ACKR3: variants seen among roughly 807,000 people sequenced by gnomAD.
ACKR3 encodes atypical chemokine receptor 3, also known as C-X-C chemokine receptor type 7.
Under a neutral mutation model 22.4 loss-of-function variants are expected in ACKR3, and 6 were observed. The ratio of observed to expected loss-of-function variants is 0.27; its 90% CI spans 0.15 to 0.53. ACKR3 has a LOEUF of 0.53. Among genes scored for constraint, ACKR3 ranks in the 20% least tolerant of loss-of-function variants. The pLI, the probability that ACKR3 is intolerant of heterozygous loss-of-function variation, is 0.96. For missense variants in ACKR3, 396 were observed against 475.2 expected, an observed-to-expected ratio of 0.83 and a Z score of 1.55; for synonymous variants, 209 against 205.2, an observed-to-expected ratio of 1.02 and a Z score of -0.16.
chr2:236,567,790 G>A (rs1574970931), upstream of ACKR3: 1 of 152,488 alleles, frequency 6.6e-6, no homozygotes, highest in South Asian at 2.1e-4. Context: ...CGAGGGCGGT[G>A]ACCCCGGGGC....
intron 1 of ACKR3, among the ~76,000 whole-genome samples, chr2:236,575,776 A>G (rs1479960193): frequency 2.6e-5 from 4 of 152,116 alleles, no homozygotes; most frequent in Admixed American, 1.3e-4. Context: ...TCACAGCTGT[A>G]TTATATTCCA....
chr2:236,557,886 T>C, the ACKR3 span, among the ~76,000 whole-genome samples: 1 of 152,116 alleles, frequency 6.6e-6, no homozygotes, highest in Admixed American at 6.5e-5. Context: ...CTGAATCTTA[T>C]CTTAAGGAAC....
At chr2:236,541,655 G>A in the ACKR3 span, among the ~76,000 whole-genome samples, 1 of 152,112 alleles carries the variant, frequency 6.6e-6, no homozygotes, top group Non-Finnish European at 1.5e-5. Context: ...TGTATAGTGG[G>A]TATAAAAATG....
the ACKR3 span, among the ~76,000 whole-genome samples, chr2:236,550,158 G>GC: frequency 2.0e-5 from 3 of 152,224 alleles, no homozygotes; most frequent in Non-Finnish European, 4.4e-5. The surrounding 1 kb of genome is among the most constrained non-coding windows in gnomAD (Gnocchi z 4.6). Flanking sequence ...CTAAGGCCAT[G>GC]CGAGGGGCTG....
At chr2:236,557,896 C>T in the ACKR3 span, among the ~76,000 whole-genome samples, 3 of 152,084 alleles carry the variant, frequency 2.0e-5, no homozygotes, top group Admixed American at 1.3e-4. Flanking sequence ...TCTTAAGGAA[C>T]GATCAGACAC....
the ACKR3 span, among the ~76,000 whole-genome samples, chr2:236,546,689 T>A: frequency 6.6e-6 from 1 of 152,144 alleles, no homozygotes; most frequent in Admixed American, 6.5e-5. The surrounding 1 kb of genome is among the most constrained non-coding windows in gnomAD (Gnocchi z 4.9). Flanking sequence ...GGCAAACAGA[T>A]GTGGGCAGTG....
At chr2:236,547,510 AT>A in the ACKR3 span, among the ~76,000 whole-genome samples, 8,741 of 152,108 alleles carry the variant, frequency 0.057, 759 homozygotes, top group African/African-American at 0.19. Context: ...ATATCAGACC[AT>A]TTTTTTCCTG....
intron 1 of ACKR3, among the ~76,000 whole-genome samples, chr2:236,571,866 CAT>C (rs1691318451): frequency 6.6e-6 from 1 of 151,864 alleles, no homozygotes; most frequent in Non-Finnish European, 1.5e-5. Context: ...TTTTGTAGAA[CAT>C]GAGGGGAATC....
the ACKR3 span, among the ~76,000 whole-genome samples, chr2:236,561,298 T>TA: frequency 2.0e-5 from 3 of 152,120 alleles, no homozygotes; most frequent in Non-Finnish European, 2.9e-5. Context: ...CACATTAAAA[T>TA]AAAATCTAAA....
the ACKR3 span, among the ~76,000 whole-genome samples, chr2:236,538,366 T>C: frequency 6.6e-6 from 1 of 152,202 alleles, no homozygotes; most frequent in Non-Finnish European, 1.5e-5. Flanking sequence ...CTTGAAATAC[T>C]AAAAACGTGG....
chr2:236,575,799 A>C (rs1312974123), intron 1 of ACKR3, among the ~76,000 whole-genome samples: 1 of 152,206 alleles, frequency 6.6e-6, no homozygotes, highest in Non-Finnish European at 1.5e-5. Context: ...TGGCGGAGAC[A>C]CCAGGCTTTA....
In ACKR3 at chr2:236,577,293, C is replaced by T. The variant is rs553683546; in HGVS notation, c.-26-3147C>T. On this transcript the variant is annotated intron_variant, in intron 1 of 1. Coordinates refer to ENST00000272928, the MANE Select transcript of ACKR3 (RefSeq NM_020311.3). The surrounding 1 kb of genome is among the most constrained non-coding windows in gnomAD (Gnocchi z 5.6). ...GGGAGGGGAGAAGCAAGGACAGAGGCGAGGACGGCTGAGCGGGGAAGTGCC... is the reference window on the plus strand; with the variant it reads ...GGGAGGGGAGAAGCAAGGACAGAGGTGAGGACGGCTGAGCGGGGAAGTGCC... Among the ~76,000 whole-genome samples, 7 of 152,270 alleles carry T rather than the reference C, an allele frequency of 4.6e-5. No individual in the cohort carries two copies. In the South Asian group the frequency reaches 6.2e-4, roughly 14 times the overall value.
At chr2:236,542,638 T>C in the ACKR3 span, among the ~76,000 whole-genome samples, 1 of 152,172 alleles carries the variant, frequency 6.6e-6, no homozygotes, top group African/African-American at 2.4e-5. Flanking sequence ...TCCCCATCTG[T>C]GTCTGCCTTT....
At chr2:236,556,988 A>G in the ACKR3 span, among the ~76,000 whole-genome samples, 2 of 152,168 alleles carry the variant, frequency 1.3e-5, no homozygotes, top group African/African-American at 4.8e-5. Flanking sequence ...GCACCCGGCC[A>G]TTTGTCTTGT....
chr2:236,573,254 G>A (rs1691345138), intron 1 of ACKR3, among the ~76,000 whole-genome samples: 1 of 152,188 alleles, frequency 6.6e-6, no homozygotes, highest in Non-Finnish European at 1.5e-5. Context: ...AGGTAGTGTG[G>A]ATTCTCCTGA....
At chr2:236,569,539 C>T (rs1691263014), upstream of ACKR3, 1 of 152,234 alleles carries the variant, frequency 6.6e-6, no homozygotes, top group Non-Finnish European at 1.5e-5. Context: ...ACTAGGGTTT[C>T]TTTGCAGTTT....
chr2:236,562,863 C>T (rs573989050), upstream of ACKR3, among the ~76,000 whole-genome samples: 26 of 152,120 alleles, frequency 1.7e-4, no homozygotes, highest in Non-Finnish European at 2.9e-4. Context: ...TGGTCTGCAA[C>T]GGAAATTTAA....
chr2:236,578,017 A>G (rs1455455019), intron 1 of ACKR3, among the ~76,000 whole-genome samples: 1 of 152,176 alleles, frequency 6.6e-6, no homozygotes, highest in East Asian at 1.9e-4. Flanking sequence ...CATGATGCAA[A>G]TGTGTTTCGT....
the ACKR3 span, among the ~76,000 whole-genome samples, chr2:236,553,688 G>A: frequency 6.6e-6 from 1 of 152,290 alleles, no homozygotes; most frequent in Non-Finnish European, 1.5e-5. Flanking sequence ...AGCTCAGGAG[G>A]GTTTCCCGCC....
Sources: allele counts gnomAD v4.1 joint callset (sites outside exome capture counted in the v4.1 genomes callset), GRCh38; gene constraint gnomAD v4.1.1; non-coding constraint Gnocchi (gnomAD v3.1); transcripts MANE v1.5; gene names NCBI Gene and HGNC (gene_info 2026-07-23, HGNC 2026-07-21).